The following CACNA2D1 variants were observed in gnomAD, a reference collection of about 807,000 sequenced individuals.
CACNA2D1 encodes the protein voltage-dependent calcium channel subunit alpha-2/delta-1.
Under a neutral mutation model 171.5 loss-of-function variants are expected in CACNA2D1, and 53 were observed. The observed-to-expected ratio is 0.31, with a 90% CI of 0.25 to 0.39. CACNA2D1 has a LOEUF of 0.39. CACNA2D1 is among the 10% of genes least tolerant of loss of function. The probability of loss-of-function intolerance (pLI) is 1.00; values close to 1 mark genes in which losing one functional copy is unlikely to be tolerated. For synonymous variants in CACNA2D1, 442 were observed against 443.1 expected, an observed-to-expected ratio of 1.00 and a Z score of 0.03; for missense variants, 903 against 1,299.8, an observed-to-expected ratio of 0.69 and a Z score of 4.69.
At chr7:82,304,916 C>G (rs531155647) in intron 3 of CACNA2D1, among the ~76,000 whole-genome samples, 1 of 152,108 alleles carries the variant, frequency 6.6e-6, no homozygotes, top group African/African-American at 2.4e-5. Flanking sequence ...GCGACAGACA[C>G]CCTAAATACC....
intron 3 of CACNA2D1, among the ~76,000 whole-genome samples, chr7:82,254,151 C>T (rs909410835): frequency 5.3e-5 from 8 of 151,966 alleles, no homozygotes; most frequent in African/African-American, 7.2e-5. Context: ...AATCCATCTC[C>T]GCAATTTGGT....
chr7:82,269,475 C>A (rs1808342215), intron 3 of CACNA2D1, among the ~76,000 whole-genome samples: 2 of 152,104 alleles, frequency 1.3e-5, no homozygotes, highest in South Asian at 4.2e-4. Context: ...TTGTGTACCA[C>A]CCGAAATTCT....
chr7:82,295,350 TTTTTGAGACAGGGTCTCAC>T (rs1812130099), intron 3 of CACNA2D1, among the ~76,000 whole-genome samples: 1 of 151,774 alleles, frequency 6.6e-6, no homozygotes, highest in Non-Finnish European at 1.5e-5. Context: ...TATTTTTTTT[TTTTTGAGACAGGGTCTCAC>T]TCTGTCGCCC....
chr7:82,358,007 C>T (rs189118227), intron 1 of CACNA2D1, among the ~76,000 whole-genome samples: 5 of 152,038 alleles, frequency 3.3e-5, no homozygotes, highest in Non-Finnish European at 5.9e-5. Flanking sequence ...TATTTTTAAC[C>T]GAAGCAAATA....
rs1439365841 is a variant in CACNA2D1, at chr7:82,443,761, G to T, written c.-302C>A. On this transcript the variant is annotated 5_prime_UTR_variant, in exon 1 of 39. Transcript: ENST00000356860. The stretch of plus-strand genomic sequence containing the variant: ...AACAGACCTCGGCGAGCCCGCCGGC[G>T]CTCGCGCGCTCTCGCTCTCCCTCTC... 5 of 1,132,110 alleles carry T rather than the reference G, an allele frequency of 4.4e-6. No homozygotes were observed. Among genetic ancestry groups the T allele is most frequent in the African/African-American group, 1.6e-5 (1 of 62,174 alleles). 70.1% of individuals were successfully genotyped at this position (1,132,110 alleles called of 1,614,324 possible).
intron 38 of CACNA2D1, among the ~76,000 whole-genome samples, chr7:81,950,937 A>C (rs2075023): frequency 0.18 from 27,010 of 152,052 alleles, 2,567 homozygotes; most frequent in East Asian, 0.31. Flanking sequence ...TGGTAAAATA[A>C]ATACATTTCC....
chr7:81,982,843 C>G (rs1796578582), intron 23 of CACNA2D1: 1 of 613,320 alleles, frequency 1.6e-6, no homozygotes, highest in Admixed American at 2.7e-5. Flanking sequence ...AACATGGATC[C>G]CCACAGTTAT....
chr7:82,223,979 C>T (rs1050246612), intron 3 of CACNA2D1, among the ~76,000 whole-genome samples: 4 of 152,120 alleles, frequency 2.6e-5, no homozygotes, highest in East Asian at 1.9e-4. Context: ...ATGCCAGGCA[C>T]GATCCAGCTT....
At chr7:82,102,192 G>A (rs929173974) in intron 6 of CACNA2D1, among the ~76,000 whole-genome samples, 3 of 151,844 alleles carry the variant, frequency 2.0e-5, no homozygotes, top group African/African-American at 7.3e-5. Flanking sequence ...CTATTGTGCA[G>A]CTCCTGAAAA....
intron 6 of CACNA2D1, among the ~76,000 whole-genome samples, chr7:82,086,671 ATGTT>A (rs1810517303): frequency 6.6e-6 from 1 of 152,160 alleles, no homozygotes; most frequent in Non-Finnish European, 1.5e-5. Flanking sequence ...TACTAAACAA[ATGTT>A]TATTTATGAT....
intron 38 of CACNA2D1, among the ~76,000 whole-genome samples, chr7:81,952,754 T>C (rs188917151): frequency 6.6e-6 from 1 of 152,264 alleles, no homozygotes; most frequent in East Asian, 1.9e-4. Flanking sequence ...CTAGATGATC[T>C]AATCCCCAGT....
chr7:82,418,053 G>A (rs929930566), intron 1 of CACNA2D1, among the ~76,000 whole-genome samples: 1 of 152,194 alleles, frequency 6.6e-6, no homozygotes, highest in African/African-American at 2.4e-5. Context: ...AAGGAAAGAG[G>A]TTTAATTAAC....
At chr7:82,287,635 T>C (rs1810973439) in intron 3 of CACNA2D1, among the ~76,000 whole-genome samples, 2 of 152,168 alleles carry the variant, frequency 1.3e-5, no homozygotes, top group Admixed American at 6.5e-5. Context: ...CACTTTCTAC[T>C]TTCAGATCTG....
Position 82,117,077 on chromosome 7 carries a change from C to T in CACNA2D1, c.493G>A (p.Ala165Thr). ...FGRQISYQHA[A>T]VHIPTDIYEG... ...TAGATGTCAGTAGGAATATGGACTG[C>T]TGCGTGCTGATAAGATATTTGTCGT... Residue 165 changes from alanine (A) to threonine (T), a missense_variant, in exon 6 of 39, where the codon GCA becomes ACA. Physicochemically the swap from Ala to Thr is moderately conservative, Grantham distance 58. Coordinates refer to ENST00000356860, the MANE Select transcript of CACNA2D1 (RefSeq NM_000722.4). 1 of 1,613,774 alleles carries T rather than the reference C, an allele frequency of 6.2e-7. No individual in the cohort carries two copies. Among genetic ancestry groups the T allele is most frequent in the Non-Finnish European group, 8.5e-7 (1 of 1,179,826 alleles).
chr7:82,057,549 T>A (rs1222712500), intron 10 of CACNA2D1, among the ~76,000 whole-genome samples: 8 of 122,184 alleles, frequency 6.5e-5, no homozygotes. Context: ...TCAATTCTCA[T>A]GCCAGTAGAC....
At chr7:82,090,843 A>G (rs559339249) in intron 6 of CACNA2D1, among the ~76,000 whole-genome samples, 1 of 152,298 alleles carries the variant, frequency 6.6e-6, no homozygotes, top group African/African-American at 2.4e-5. Flanking sequence ...TATTGTAAGT[A>G]TGATTCTAAA....
At chr7:82,168,752 A>AT (rs1287852352) in intron 4 of CACNA2D1, among the ~76,000 whole-genome samples, 2 of 152,232 alleles carry the variant, frequency 1.3e-5, no homozygotes, top group South Asian at 2.1e-4. Context: ...TTGCCAAGTT[A>AT]TTTTTTTCCA....
chr7:82,097,654 G>A (rs941419043), intron 6 of CACNA2D1, among the ~76,000 whole-genome samples: 1 of 151,944 alleles, frequency 6.6e-6, no homozygotes, highest in African/African-American at 2.4e-5. Context: ...CCATTAAACC[G>A]CGTTGTTTAA....
At chr7:82,338,610 T>C (rs1168055977) in intron 2 of CACNA2D1, among the ~76,000 whole-genome samples, 1 of 152,174 alleles carries the variant, frequency 6.6e-6, no homozygotes, top group African/African-American at 2.4e-5. Context: ...AATTAACCAT[T>C]GTATTAGTGA....
Sources: allele counts gnomAD v4.1 joint callset (sites outside exome capture counted in the v4.1 genomes callset), GRCh38; gene constraint gnomAD v4.1.1; transcripts MANE v1.5; gene names NCBI Gene and HGNC (gene_info 2026-07-23, HGNC 2026-07-21).